The following LINGO1 variants were observed in gnomAD, a reference collection of about 807,000 sequenced individuals.
LINGO1 encodes the protein leucine rich repeat and Ig domain containing 1.
LINGO1 carries 11 observed loss-of-function variants against 37.3 expected under a neutral mutation model. The ratio of observed to expected loss-of-function variants is 0.29; its 90% CI spans 0.19 to 0.49. LINGO1 has a LOEUF of 0.49. LINGO1 is among the 20% of genes least tolerant of loss of function. LINGO1 has a pLI of 0.99. For missense variants in LINGO1, 585 were observed against 878.2 expected (o/e 0.67, Z 4.22); for synonymous variants, 387 against 403.0 (o/e 0.96, Z 0.48).
chr15:77,763,072 G>A (rs781555381), intron 1 of LINGO1, among the ~76,000 whole-genome samples: 2 of 152,112 alleles, frequency 1.3e-5, no homozygotes, highest in Non-Finnish European at 2.9e-5. Flanking sequence ...CCCGGCTGGT[G>A]GAAGATGCAG....
intron 2 of LINGO1, among the ~76,000 whole-genome samples, chr15:77,689,255 C>A (rs1051150305): frequency 6.6e-6 from 1 of 152,046 alleles, no homozygotes; most frequent in Middle Eastern, 3.2e-3. Context: ...CATCACCAGC[C>A]CCCAGGCTGG....
chr15:77,797,969 G>A (rs1011143296), intron 1 of LINGO1, among the ~76,000 whole-genome samples: 11 of 152,302 alleles, frequency 7.2e-5, no homozygotes, highest in Admixed American at 2.0e-4. Context: ...CTCCAAGGAG[G>A]CAGAGAAGTG....
chr15:77,630,064 G>T (rs757946057), intron 1 of LINGO1, among the ~76,000 whole-genome samples: 4 of 152,058 alleles, frequency 2.6e-5, no homozygotes, highest in Non-Finnish European at 4.4e-5. Flanking sequence ...ATGGAGGTGG[G>T]TGGGGCTGGA....
chr15:77,810,597 C>T (rs2076997918), intron 1 of LINGO1, among the ~76,000 whole-genome samples: 1 of 152,208 alleles, frequency 6.6e-6, no homozygotes, highest in Non-Finnish European at 1.5e-5. Context: ...CTCTGCAGTG[C>T]TTCACCATGA....
chr15:77,657,972 T>C (rs911409268), intron 3 of LINGO1, among the ~76,000 whole-genome samples: 1 of 152,162 alleles, frequency 6.6e-6, no homozygotes, highest in African/African-American at 2.4e-5. Context: ...TCCCCGTCTC[T>C]GCCGCCCGCC....
At chr15:77,738,477 C>T (rs1224088575) in intron 1 of LINGO1, among the ~76,000 whole-genome samples, 1 of 152,174 alleles carries the variant, frequency 6.6e-6, no homozygotes, top group Non-Finnish European at 1.5e-5. Flanking sequence ...GACTTTCTTA[C>T]CATCCCATTC....
At position 77,807,174 on chromosome 15, in the gene LINGO1, C is replaced by G. The variant is rs1596249123; in HGVS notation, c.-457-11121G>C. ...TCCAAATGCTTCTCTTTCCTGCAGC[C>G]TTCCCCGAGTACCCCGGCATGCCCT... is the stretch of plus-strand genomic sequence containing the variant. On this transcript the variant is annotated intron_variant, in intron 1 of 5. Transcript: ENST00000562933. Among the ~76,000 whole-genome samples, 4 of 152,354 alleles carry G rather than the reference C, an allele frequency of 2.6e-5. No homozygotes were observed. In the Middle Eastern group the frequency reaches 0.01, roughly 389 times the overall value.
chr15:77,774,085 G>A (rs886427669), intron 1 of LINGO1, among the ~76,000 whole-genome samples: 1 of 152,082 alleles, frequency 6.6e-6, no homozygotes, highest in Non-Finnish European at 1.5e-5. Flanking sequence ...GGGGCTCCAG[G>A]GATGCCATGG....
intron 2 of LINGO1, among the ~76,000 whole-genome samples, chr15:77,689,922 G>A (rs902138707): frequency 6.6e-6 from 1 of 152,262 alleles, no homozygotes; most frequent in Non-Finnish European, 1.5e-5. Context: ...ACTGCTAGAT[G>A]TCAGACCTTT....
chr15:77,716,378 T>C (rs2075985408), intron 2 of LINGO1, among the ~76,000 whole-genome samples: 1 of 145,382 alleles, frequency 6.9e-6, no homozygotes, highest in Non-Finnish European at 1.5e-5. Flanking sequence ...CCTCCTGGGC[T>C]CAATCAATCC....
chr15:77,768,880 G>A (rs1037847467), intron 1 of LINGO1, among the ~76,000 whole-genome samples: 2 of 152,286 alleles, frequency 1.3e-5, no homozygotes, highest in South Asian at 2.1e-4. Context: ...GCAGCCTTGC[G>A]GGGCAGCAGG....
intron 3 of LINGO1, among the ~76,000 whole-genome samples, chr15:77,644,188 G>A (rs1236035571): frequency 1.3e-5 from 2 of 152,234 alleles, no homozygotes; most frequent in African/African-American, 4.8e-5. Context: ...GTGTCATGTT[G>A]AACATGTGTG....
intron 2 of LINGO1, among the ~76,000 whole-genome samples, chr15:77,678,007 G>T (rs756334832): frequency 6.6e-6 from 1 of 152,180 alleles, no homozygotes; most frequent in Non-Finnish European, 1.5e-5. Context: ...ACAGCCACCT[G>T]CCACCTCCTC....
At chr15:77,815,617 AG>A (rs1438227723) in intron 1 of LINGO1, among the ~76,000 whole-genome samples, 2 of 152,140 alleles carry the variant, frequency 1.3e-5, no homozygotes, top group Non-Finnish European at 2.9e-5. Flanking sequence ...CCAGTATTGG[AG>A]GCTGCATCTA....
chr15:77,644,103 G>C (rs1424160123), intron 3 of LINGO1, among the ~76,000 whole-genome samples: 1 of 152,254 alleles, frequency 6.6e-6, no homozygotes, highest in Non-Finnish European at 1.5e-5. Flanking sequence ...AGCGGCATCT[G>C]CTTTGCGAAT....
At chr15:77,665,659 TG>T (rs2075113145) in intron 3 of LINGO1, among the ~76,000 whole-genome samples, 1 of 152,162 alleles carries the variant, frequency 6.6e-6, no homozygotes, top group Admixed American at 6.5e-5. Flanking sequence ...GTCGCCATGC[TG>T]GGAATTCCAC....
At chr15:77,770,858 A>G (rs2076578350) in intron 1 of LINGO1, among the ~76,000 whole-genome samples, 1 of 152,164 alleles carries the variant, frequency 6.6e-6, no homozygotes. Flanking sequence ...GAGCACCCAG[A>G]TGCCCACCGC....
chr15:77,617,746 T>C (rs1180758883), intron 1 of LINGO1, among the ~76,000 whole-genome samples: 1 of 152,248 alleles, frequency 6.6e-6, no homozygotes, highest in African/African-American at 2.4e-5. Flanking sequence ...ATAGGAGCTC[T>C]GGTCTGCCCA....
intron 1 of LINGO1, chr15:77,819,644 A>G (rs2077081676): frequency 6.6e-6 from 1 of 150,748 alleles, no homozygotes; most frequent in Non-Finnish European, 1.5e-5. Context: ...TGGAGCGCTC[A>G]CAAAGACCCC....
Sources: gnomAD v4.1 joint callset for allele counts (sites outside exome capture counted in the v4.1 genomes callset) on GRCh38, gnomAD v4.1.1 for gene constraint, MANE v1.5 for transcripts, NCBI Gene and HGNC (gene_info 2026-07-23, HGNC 2026-07-21) for gene names.